Variants in CASD1 observed in about 807,000 individuals in gnomAD.
CASD1 encodes the protein N-acetylneuraminate (7)9-O-acetyltransferase.
A neutral mutation model predicts 100.0 loss-of-function variants in CASD1; 41 were observed. The observed-to-expected ratio is 0.41, with a 90% confidence interval of 0.32 to 0.53. The LOEUF (loss-of-function observed/expected upper bound fraction) is 0.53. CASD1 is among the 20% of genes least tolerant of loss of function. The pLI is 0.25. For synonymous variants in CASD1, 321 were observed against 315.6 expected (o/e 1.02, Z -0.18); for missense variants, 774 against 948.7 (o/e 0.82, Z 2.42).
rs183811536 is a variant in CASD1 at position 94,556,415 on chromosome 7, G to T, written c.*657G>T. 15 of 152,062 alleles carry T rather than the reference G, an allele frequency of 9.9e-5. No individual in the cohort carries two copies. The South Asian group carries it at 2.9e-3, about 30-fold the overall frequency. The allele number at this position is 152,062 out of a possible 1,614,324, so 9.4% of individuals were successfully genotyped here. A position where few individuals can be genotyped will look rare whatever the true frequency, so the allele number is the denominator to read the frequency against. On this transcript the variant is annotated 3_prime_UTR_variant, in exon 18 of 18. Transcript: ENST00000297273. ...AATAGTTCTGAGGCTCCATGACAGG[G>T]TTTTGTCATTGTTGATGTTATTGTT... is the stretch of plus-strand genomic sequence containing the variant.
the CASD1 span, chr7:94,587,273 G>A: frequency 1.0e-6 from 1 of 987,184 alleles, no homozygotes; most frequent in South Asian, 4.7e-5. Flanking sequence ...TAAACAAATT[G>A]CCCTAATATC....
At chr7:94,569,834 G>A in the CASD1 span, among the ~76,000 whole-genome samples, 1 of 145,320 alleles carries the variant, frequency 6.9e-6, no homozygotes, top group Non-Finnish European at 1.5e-5. Context: ...TCTTTTTTGA[G>A]ACAGAGTCTT....
At chr7:94,534,896 A>G (rs564843778) in intron 7 of CASD1, among the ~76,000 whole-genome samples, 3 of 152,332 alleles carry the variant, frequency 2.0e-5, no homozygotes, top group African/African-American at 7.2e-5. Context: ...AAGAAAGTTT[A>G]CAGAATTAAG....
intron 9 of CASD1, 74 bp from the exon 10 acceptor site, chr7:94,538,893 A>C (rs916690473): frequency 1.4e-6 from 1 of 718,116 alleles, no homozygotes; most frequent in African/African-American, 1.8e-5. Context: ...GAAAACTTTT[A>C]ACATACTTAT....
At chr7:94,539,171 T>G in intron 10 of CASD1, 115 bp downstream of exon 10, 1 of 448,286 alleles carries the variant, frequency 2.2e-6, no homozygotes, top group East Asian at 3.5e-5. Context: ...AGACCCTTCT[T>G]ATTTCCCACT....
intron 2 of CASD1, 63 bp from the exon 3 acceptor site, chr7:94,518,140 G>T: frequency 7.1e-7 from 1 of 1,414,656 alleles, no homozygotes; most frequent in Non-Finnish European, 9.4e-7. Flanking sequence ...AAAACGGTGT[G>T]CTTTGAAATG....
the CASD1 span, among the ~76,000 whole-genome samples, chr7:94,569,303 T>A: frequency 6.6e-6 from 1 of 152,198 alleles, no homozygotes; most frequent in East Asian, 1.9e-4. Flanking sequence ...TAATTGGAAC[T>A]AACATCATCA....
the CASD1 span, among the ~76,000 whole-genome samples, chr7:94,580,122 G>A: frequency 6.6e-6 from 1 of 152,080 alleles, no homozygotes; most frequent in Non-Finnish European, 1.5e-5. Flanking sequence ...ATTTCAGACT[G>A]GTATAACCAC....
intron 3 of CASD1, among the ~76,000 whole-genome samples, chr7:94,521,288 G>A (rs939344853): frequency 1.3e-5 from 2 of 152,014 alleles, no homozygotes; most frequent in East Asian, 3.9e-4. Flanking sequence ...AGGAATGAGG[G>A]AAATGTTCAG....
chr7:94,521,504 T>C (rs978237596), intron 3 of CASD1, among the ~76,000 whole-genome samples: 4 of 152,152 alleles, frequency 2.6e-5, no homozygotes. Flanking sequence ...CTCTAAAATA[T>C]TGTGTTTTTT....
chr7:94,604,858 T>TATATATATATATAA, the CASD1 span, among the ~76,000 whole-genome samples: 4 of 75,224 alleles, frequency 5.3e-5, no homozygotes, highest in Non-Finnish European at 8.0e-5. Context: ...TATATATATA[T>TATATATATATATAA]AATAGTTGTT....
chr7:94,597,086 T>G, the CASD1 span: 1 of 152,130 alleles, frequency 6.6e-6, no homozygotes, highest in East Asian at 1.9e-4. Flanking sequence ...CCATAATAGG[T>G]GGGCTACTGA....
chr7:94,513,413 C>CT (rs1793817912), intron 1 of CASD1, among the ~76,000 whole-genome samples: 1 of 151,716 alleles, frequency 6.6e-6, no homozygotes, highest in African/African-American at 2.4e-5. Context: ...CCTGAGCCTA[C>CT]TTTTTGTTAC....
chr7:94,546,212 C>T (rs889514879), intron 12 of CASD1, among the ~76,000 whole-genome samples: 11 of 151,838 alleles, frequency 7.2e-5, no homozygotes, highest in African/African-American at 2.7e-4. Context: ...AGCTTTGAAG[C>T]AGTTATTATC....
chr7:94,535,602 TATAA>T (rs1194350779), intron 8 of CASD1, 79 bp downstream of exon 8: 9 of 1,008,262 alleles, frequency 8.9e-6, no homozygotes, highest in African/African-American at 8.1e-5. Flanking sequence ...ATAACATGGT[TATAA>T]ATAATTTGTT....
At chr7:94,550,980 T>C (rs897905440) in intron 14 of CASD1, among the ~76,000 whole-genome samples, 2 of 152,176 alleles carry the variant, frequency 1.3e-5, no homozygotes, top group Admixed American at 6.6e-5. Flanking sequence ...AGGACTGATA[T>C]AAAATGTGTT....
intron 7 of CASD1, 78 bp from the exon 8 acceptor site, chr7:94,535,231 A>G: frequency 9.9e-7 from 1 of 1,013,514 alleles, no homozygotes; most frequent in Non-Finnish European, 1.5e-6. Flanking sequence ...GAAATGTGGA[A>G]CAGCTAACTT....
At chr7:94,516,039 T>C (rs1293606939) in intron 1 of CASD1, among the ~76,000 whole-genome samples, 1 of 152,098 alleles carries the variant, frequency 6.6e-6, no homozygotes, top group African/African-American at 2.4e-5. Flanking sequence ...TAGTTATTTA[T>C]GTAGCCTAAT....
chr7:94,552,510 A>C (rs1362655819), intron 16 of CASD1, 83 bp downstream of exon 16: 1 of 963,758 alleles, frequency 1.0e-6, no homozygotes, highest in Non-Finnish European at 1.6e-6. Context: ...TTTGAGATTG[A>C]ACTCCAGAAA....
Sources: gnomAD v4.1 joint callset for allele counts (sites outside exome capture counted in the v4.1 genomes callset) on GRCh38, gnomAD v4.1.1 for gene constraint, MANE v1.5 for transcripts, NCBI Gene and HGNC (gene_info 2026-07-23, HGNC 2026-07-21) for gene names.